The following SNX8 variants were observed in gnomAD, a reference collection of about 807,000 sequenced individuals.
The protein encoded by SNX8 is sorting nexin-8.
In SNX8, 25 loss-of-function variants were observed where a neutral mutation model predicts 51.6. The observed-to-expected ratio is 0.48, with a 90% CI of 0.35 to 0.68. The LOEUF is 0.68. Ranked by LOEUF, SNX8 falls within the 30% of genes least tolerant of loss-of-function variation. The pLI is 0.00. For synonymous variants in SNX8, 324 were observed against 277.0 expected (o/e 1.17, Z -1.68); for missense variants, 695 against 624.0 (o/e 1.11, Z -1.21).
At chr7:2,346,560 A>G (rs529374365) in intron 1 of SNX8, among the ~76,000 whole-genome samples, 2 of 151,786 alleles carry the variant, frequency 1.3e-5, no homozygotes, top group East Asian at 3.9e-4. Context: ...ATCCTGGCTA[A>G]CACAGTGAAA....
chr7:2,311,975 A>T (rs552686178), intron 1 of SNX8, among the ~76,000 whole-genome samples: 1 of 151,060 alleles, frequency 6.6e-6, no homozygotes, highest in Admixed American at 6.6e-5. Context: ...CACTTCACCC[A>T]CCTGCCAGGA....
At chr7:2,336,449 C>A (rs1778831469) in intron 1 of SNX8, among the ~76,000 whole-genome samples, 1 of 152,066 alleles carries the variant, frequency 6.6e-6, no homozygotes, top group Non-Finnish European at 1.5e-5. Context: ...TGGCTCACAC[C>A]TGTAATCCTA....
chr7:2,263,210 G>A lies in SNX8; in HGVS notation c.915+20C>T. 6.2e-7 allele frequency: 1 copy of A among 1,613,134 alleles called. No individual in the cohort carries two copies. The highest frequency in any genetic ancestry group is 8.5e-7 in the Non-Finnish European group (1 of 1,179,632). Reference sequence around the variant, plus strand: ...AGCGTGTTCTCTGGAACAGGCGCCTGGGAGAACCGATCCACTCACCTGTTG... The same window carrying A: ...AGCGTGTTCTCTGGAACAGGCGCCTAGGAGAACCGATCCACTCACCTGTTG... On this transcript the variant is annotated intron_variant, in intron 7 of 10. Coordinates refer to ENST00000222990, the MANE Select transcript of SNX8 (RefSeq NM_013321.4).
chr7:2,276,818 G>A (rs766624472), intron 2 of SNX8, among the ~76,000 whole-genome samples: 3 of 152,134 alleles, frequency 2.0e-5, no homozygotes, highest in African/African-American at 4.8e-5. Flanking sequence ...GGTGGCATCC[G>A]CCTGTGGTTC....
chr7:2,323,166 C>G (rs1400620346), intron 1 of SNX8, among the ~76,000 whole-genome samples: 1 of 151,808 alleles, frequency 6.6e-6, no homozygotes. Context: ...CCCATTCCTA[C>G]TAAAAATACA....
intron 1 of SNX8, among the ~76,000 whole-genome samples, chr7:2,323,007 A>C (rs1170367765): frequency 2.0e-5 from 3 of 151,028 alleles, no homozygotes; most frequent in Non-Finnish European, 4.4e-5. Context: ...ACAGAACAAG[A>C]CTCTGTCTCT....
intron 1 of SNX8, among the ~76,000 whole-genome samples, chr7:2,326,932 C>A (rs942025316): frequency 1.3e-5 from 2 of 152,008 alleles, no homozygotes; most frequent in Non-Finnish European, 2.9e-5. Context: ...ATGGCAAAAC[C>A]CTGCCTCTAC....
chr7:2,316,817 G>A (rs1253207493), upstream of SNX8, among the ~76,000 whole-genome samples: 2 of 152,158 alleles, frequency 1.3e-5, no homozygotes, highest in African/African-American at 2.4e-5. Context: ...ACTGCATCCT[G>A]CATCTATCCA....
chr7:2,260,651 G>A (rs1264858967), intron 7 of SNX8, among the ~76,000 whole-genome samples: 5 of 152,112 alleles, frequency 3.3e-5, no homozygotes, highest in East Asian at 1.9e-4. Context: ...TAGGAAAAAC[G>A]GTCCTCGCTG....
At chr7:2,327,498 C>A (rs951042182) in intron 1 of SNX8, among the ~76,000 whole-genome samples, 1 of 151,984 alleles carries the variant, frequency 6.6e-6, no homozygotes, top group African/African-American at 2.4e-5. Flanking sequence ...AGCTCCGCAT[C>A]TCTGGTTCAT....
At chr7:2,314,284 G>A (rs1796716930) in intron 1 of SNX8, 44 bp downstream of exon 1, 2 of 1,216,690 alleles carry the variant, frequency 1.6e-6, no homozygotes, top group Non-Finnish European at 2.0e-6. Context: ...TGGTCGGGCC[G>A]CGCGCCCTGG....
chr7:2,254,703 T>C lies in SNX8; in HGVS notation c.*353A>G. On this transcript the variant is annotated 3_prime_UTR_variant, in exon 11 of 11. Coordinates refer to ENST00000222990, the MANE Select transcript of SNX8 (RefSeq NM_013321.4). ...GCACCATGATGCTGCCCCTCCCGACTGTTCCAGCACCTGGAGGCCCTGCCT... is the reference window on the plus strand; with the variant it reads ...GCACCATGATGCTGCCCCTCCCGACCGTTCCAGCACCTGGAGGCCCTGCCT... 1 of 325,046 alleles carries C rather than the reference T, an allele frequency of 3.1e-6. No individual in the cohort carries two copies. Among genetic ancestry groups the C allele is most frequent in the Non-Finnish European group, 5.8e-6 (1 of 172,068 alleles). 20.1% of individuals were successfully genotyped at this position (325,046 alleles called of 1,614,324 possible).
chr7:2,319,611 C>T (rs902840877), intron 1 of SNX8, among the ~76,000 whole-genome samples: 55 of 152,160 alleles, frequency 3.6e-4, no homozygotes, highest in Non-Finnish European at 6.8e-4. Flanking sequence ...GTCAGGAGAT[C>T]GAGACCATCC....
intron 1 of SNX8, among the ~76,000 whole-genome samples, chr7:2,338,461 CAAA>C (rs11352621): frequency 1.2e-4 from 16 of 129,230 alleles, no homozygotes; most frequent in Non-Finnish European, 1.5e-4. Context: ...GACTGTGTCT[CAAA>C]AAAAAAAAAA....
chr7:2,305,047 C>T (rs1342775740), intron 1 of SNX8, among the ~76,000 whole-genome samples: 1 of 152,220 alleles, frequency 6.6e-6, no homozygotes, highest in South Asian at 2.1e-4. Context: ...CTGCAGACGC[C>T]GGAGGGTCTG....
chr7:2,342,320 G>C lies in SNX8; in HGVS notation c.-66+11902C>G, dbSNP rs192498788. On this transcript the variant is annotated intron_variant, in intron 1 of 5. Transcript: ENST00000435336. ...TGGATAAATCTCAAAAGCACTGATTGCATGTATTAGTAATAATAATCTCAA... is the reference window on the plus strand; with the variant it reads ...TGGATAAATCTCAAAAGCACTGATTCCATGTATTAGTAATAATAATCTCAA... Among the ~76,000 whole-genome samples the C allele has an allele frequency of 4.3e-4, 65 of 152,030 alleles. No individual in the cohort carries two copies. The East Asian group carries it at 0.012, about 29-fold the overall frequency.
chr7:2,264,263 G>T (rs553744965), intron 6 of SNX8, 35 bp downstream of exon 6: 1 of 1,588,522 alleles, frequency 6.3e-7, no homozygotes, highest in Non-Finnish European at 8.6e-7. Flanking sequence ...CCGTCCCACC[G>T]CGCGTGCCCC....
At chr7:2,320,676 A>G (rs1000193484) in intron 1 of SNX8, among the ~76,000 whole-genome samples, 1 of 152,094 alleles carries the variant, frequency 6.6e-6, no homozygotes, top group African/African-American at 2.4e-5. Flanking sequence ...GTGAGCCATG[A>G]TTGCCCTGCT....
At chr7:2,333,058 CAGG>C (rs1562461090) in intron 1 of SNX8, among the ~76,000 whole-genome samples, 3 of 151,874 alleles carry the variant, frequency 2.0e-5, no homozygotes, top group East Asian at 3.9e-4. Context: ...TGCTTGAGCC[CAGG>C]AGTTCTTTTT....
Sources: gnomAD v4.1 joint callset for allele counts (sites outside exome capture counted in the v4.1 genomes callset) on GRCh38, gnomAD v4.1.1 for gene constraint, MANE v1.5 for transcripts, NCBI Gene and HGNC (gene_info 2026-07-23, HGNC 2026-07-21) for gene names.